Variants in ANKRD28 observed in about 807,000 individuals in gnomAD.
ANKRD28 encodes the protein ankyrin repeat domain 28.
In ANKRD28, 44 loss-of-function variants were observed where a neutral mutation model predicts 126.5. That is an observed-to-expected ratio of 0.35 (90% CI 0.27 to 0.45). The LOEUF (loss-of-function observed/expected upper bound fraction) is 0.45. Among genes scored for constraint, ANKRD28 ranks in the 20% least tolerant of loss-of-function variants. The probability of loss-of-function intolerance (pLI) is 1.00; values close to 1 mark genes in which losing one functional copy is unlikely to be tolerated. For synonymous variants in ANKRD28, 442 were observed against 468.5 expected (o/e 0.94, Z 0.73); for missense variants, 1,110 against 1,316.6 (o/e 0.84, Z 2.43).
At position 15,686,091 on chromosome 3, in the gene ANKRD28, C is replaced by T. The variant is rs767604651; in HGVS notation, c.2080G>A (p.Gly694Arg). The part of the protein sequence containing the change: ...QTPLMLSVLN[G>R]HTDCVYSLLN... Reference sequence around the variant, plus strand: ...AATGAGTAAACACAGTCTGTGTGCCCGTTGAGAACAGATAGCATCAGAGGC... The same window carrying T: ...AATGAGTAAACACAGTCTGTGTGCCTGTTGAGAACAGATAGCATCAGAGGC... Residue 694 changes from glycine (G) to arginine (R), a missense_variant, in exon 20 of 28, where the codon GGG (glycine) becomes AGG (arginine). By Grantham distance (125) the Gly-to-Arg change is moderately radical (BLOSUM62 -2). Transcript: ENST00000683139. The T allele has an allele frequency of 1.2e-6, 2 of 1,613,326 alleles. No individual in the cohort carries two copies. The highest frequency in any genetic ancestry group is 1.7e-6 in the Non-Finnish European group (2 of 1,179,658).
chr3:15,827,778 T>G (rs28454855), intron 1 of ANKRD28, among the ~76,000 whole-genome samples: 6,207 of 152,224 alleles, frequency 0.041, 414 homozygotes, highest in African/African-American at 0.14. Context: ...CAGAGAAGGA[T>G]ACTATCAACA....
intron 27 of ANKRD28, among the ~76,000 whole-genome samples, chr3:15,672,194 G>A (rs542173689): frequency 5.1e-4 from 76 of 149,084 alleles, no homozygotes; most frequent in African/African-American, 1.8e-3. Context: ...CACCCAGGCT[G>A]GAGTGCAGTA....
Position 15,814,837 on chromosome 3 carries a change from C to T in ANKRD28, c.28-19531G>A, listed in dbSNP as rs1282919393. 2.0e-5 allele frequency among the ~76,000 whole-genome samples: 3 copies of T among 150,916 alleles called. No homozygotes were observed. The highest frequency in any genetic ancestry group is 2.1e-4 in the South Asian group (1 of 4,808). On this transcript the variant is annotated intron_variant, in intron 1 of 27. Coordinates refer to the ANKRD28 transcript ENST00000399451. The surrounding 1 kb of genome is among the most constrained non-coding windows in gnomAD (Gnocchi z 4.7). ...AATACATAAATTTAAGAAATCACTG[C>T]AATATCTCTCAAAGAAAACTCTGGT... is the stretch of plus-strand genomic sequence containing the variant.
chr3:15,752,029 G>GT (rs765219403), intron 3 of ANKRD28, among the ~76,000 whole-genome samples: 3 of 151,824 alleles, frequency 2.0e-5, no homozygotes, highest in African/African-American at 7.3e-5. Context: ...TAAAGTCTTA[G>GT]TTTTTTAATT....
intron 1 of ANKRD28, among the ~76,000 whole-genome samples, chr3:15,823,910 C>G (rs1444012839): frequency 6.6e-6 from 1 of 152,048 alleles, no homozygotes; most frequent in African/African-American, 2.4e-5. Context: ...AACTTCTTTA[C>G]CATGATAAAG....
chr3:15,773,434 G>C (rs2059113545), intron 2 of ANKRD28, among the ~76,000 whole-genome samples: 2 of 152,104 alleles, frequency 1.3e-5, no homozygotes. Context: ...AGACCAGCCT[G>C]GCCAACATGG....
At chr3:15,791,419 G>A (rs1290470392) in intron 2 of ANKRD28, among the ~76,000 whole-genome samples, 4 of 151,630 alleles carry the variant, frequency 2.6e-5, no homozygotes, top group Admixed American at 1.3e-4. Context: ...AAACAGACAC[G>A]TGTACCAATA....
intron 2 of ANKRD28, among the ~76,000 whole-genome samples, chr3:15,774,140 A>G (rs2059150120): frequency 1.3e-5 from 2 of 152,228 alleles, no homozygotes; most frequent in Non-Finnish European, 2.9e-5. Context: ...TATGAATATT[A>G]ACTTAAAAGG....
chr3:15,850,190 T>TTAA (rs1393900361), intron 1 of ANKRD28, among the ~76,000 whole-genome samples: 79 of 31,938 alleles, frequency 2.5e-3, no homozygotes, highest in African/African-American at 6.6e-3. Context: ...CTACATGCAA[T>TTAA]AAAAAAAAAA....
chr3:15,705,371 A>G (rs987909507), intron 14 of ANKRD28, among the ~76,000 whole-genome samples: 6 of 152,180 alleles, frequency 3.9e-5, no homozygotes, highest in African/African-American at 1.4e-4. Context: ...GTCTAAGGGC[A>G]GAAGGATCAA....
intron 4 of ANKRD28, among the ~76,000 whole-genome samples, chr3:15,739,260 G>A (rs1418637612): frequency 6.6e-6 from 1 of 152,152 alleles, no homozygotes; most frequent in Admixed American, 6.5e-5. Context: ...GGGAAGTGAT[G>A]TGTCCATGAA....
At chr3:15,786,688 G>A (rs1160660781) in intron 2 of ANKRD28, among the ~76,000 whole-genome samples, 1 of 152,034 alleles carries the variant, frequency 6.6e-6, no homozygotes, top group Non-Finnish European at 1.5e-5. Context: ...TCAGACCAAA[G>A]TTACTTCATT....
chr3:15,851,475 T>C (rs1485676329), intron 1 of ANKRD28, among the ~76,000 whole-genome samples: 7 of 143,532 alleles, frequency 4.9e-5, no homozygotes, highest in African/African-American at 7.8e-5. Context: ...GCCCAGGAGG[T>C]TGAAGCTGCA....
chr3:15,735,731 C>G (rs757632971), intron 5 of ANKRD28, among the ~76,000 whole-genome samples: 2 of 152,168 alleles, frequency 1.3e-5, no homozygotes, highest in Non-Finnish European at 2.9e-5. Context: ...TAGGATGCCA[C>G]TTTGTGCCTT....
chr3:15,714,241 A>C (rs1575334133), intron 9 of ANKRD28, among the ~76,000 whole-genome samples: 1 of 152,208 alleles, frequency 6.6e-6, no homozygotes, highest in Non-Finnish European at 1.5e-5. Context: ...AAAATGATAC[A>C]TGTATAATGT....
Position 15,839,099 on chromosome 3 carries a change from A to G in ANKRD28, c.27+20278T>C, listed in dbSNP as rs1187378128. Among the ~76,000 whole-genome samples, 1 of 152,172 alleles carries G rather than the reference A, an allele frequency of 6.6e-6. No homozygotes were observed. The highest frequency in any genetic ancestry group is 1.9e-4 in the East Asian group (1 of 5,194). On this transcript the variant is annotated intron_variant, in intron 1 of 27. Coordinates refer to the ANKRD28 transcript ENST00000399451. The surrounding 1 kb of genome is among the most constrained non-coding windows in gnomAD (Gnocchi z 4.3). ...TTATTCAATGGTGGCCTGGGGCTGG[A>G]GGTGGGACTAGGAGTAACTGCAAAG...
intron 2 of ANKRD28, among the ~76,000 whole-genome samples, chr3:15,776,241 C>A (rs1169120509): frequency 6.6e-6 from 1 of 152,148 alleles, no homozygotes; most frequent in Admixed American, 6.5e-5. Flanking sequence ...AATAATATGA[C>A]ATTATCAAGT....
chr3:15,813,025 A>G (rs183009082), intron 1 of ANKRD28, among the ~76,000 whole-genome samples: 1 of 151,756 alleles, frequency 6.6e-6, no homozygotes, highest in Non-Finnish European at 1.5e-5. Context: ...AGTTTCCAAC[A>G]TAACAGCTTT....
At position 15,670,135 on chromosome 3, in the gene ANKRD28, A is replaced by G. The variant is rs979038087; in HGVS notation, c.*135T>C. On this transcript the variant is annotated 3_prime_UTR_variant, in exon 28 of 28. Transcript: ENST00000683139. ...CTTTAAAACTCTTCCTCCTAATGCC[A>G]TCAGATCTCTTAACATTGGCTCACT... 52 of 984,598 alleles carry G rather than the reference A, an allele frequency of 5.3e-5. No homozygotes were observed. Among genetic ancestry groups the G allele is most frequent in the Middle Eastern group, 6.2e-4 (2 of 3,210 alleles). 61.0% of individuals were successfully genotyped at this position (984,598 alleles called of 1,614,324 possible). A position where few individuals can be genotyped will look rare whatever the true frequency, so the allele number is the denominator to read the frequency against.
Sources: allele counts gnomAD v4.1 joint callset (sites outside exome capture counted in the v4.1 genomes callset), GRCh38; gene constraint gnomAD v4.1.1; non-coding constraint Gnocchi (gnomAD v3.1); transcripts MANE v1.5; gene names NCBI Gene and HGNC (gene_info 2026-07-23, HGNC 2026-07-21).